ZNF585B: variants seen among roughly 807,000 people sequenced by gnomAD.
ZNF585B encodes the protein zinc finger protein 585B.
A neutral mutation model predicts 14.0 loss-of-function variants in ZNF585B; 7 were observed. The observed-to-expected ratio is 0.50, with a 90% CI of 0.28 to 0.94. The LOEUF (loss-of-function observed/expected upper bound fraction) is 0.94, where lower values mean the gene tolerates loss of function less well. ZNF585B is among the 40% of genes least tolerant of loss of function. ZNF585B has a pLI of 0.09. For synonymous variants in ZNF585B, 290 were observed against 317.3 expected (o/e 0.91, Z 0.91); for missense variants, 750 against 924.4 (o/e 0.81, Z 2.45).
rs1001235688 is a variant in ZNF585B at position 37,190,089 on chromosome 19, T to C, written c.134A>G (p.Asp45Gly). ...CCGGTACAGGTTTCTCTGAGAAAGGTCCAGGTGCCGCCATTCCTCTCTGCT... is the reference window on the plus strand; with the variant it reads ...CCGGTACAGGTTTCTCTGAGAAAGGCCCAGGTGCCGCCATTCCTCTCTGCT... ...DFSREEWRHL[D>G]LSQRNLYRDV... The change falls in exon 3 of 5, where the codon GAC becomes GGC. Residue 45 changes from aspartate (D) to glycine (G), a missense_variant. Asp to Gly is a moderately conservative substitution (Grantham distance 94). Coordinates refer to ENST00000532828, the MANE Select transcript of ZNF585B (RefSeq NM_152279.4). 1.9e-6 allele frequency: 3 copies of C among 1,614,082 alleles called. No individual in the cohort carries two copies. Among genetic ancestry groups the C allele is most frequent in the Non-Finnish European group, 1.7e-6 (2 of 1,180,036 alleles).
At chr19:37,194,961 T>C (rs116423080) in intron 2 of ZNF585B, among the ~76,000 whole-genome samples, 6,519 of 151,972 alleles carry the variant, frequency 0.043, 192 homozygotes, top group East Asian at 0.075. Context: ...AAACAAAAGC[T>C]TTCTGGAAAA....
At chr19:37,203,266 T>C (rs951004982) in intron 2 of ZNF585B, among the ~76,000 whole-genome samples, 6 of 152,122 alleles carry the variant, frequency 3.9e-5, no homozygotes, top group Non-Finnish European at 8.8e-5. Context: ...AGGCACTTAA[T>C]CTATAGTTTT....
chr19:37,195,635 A>C (rs918339787), intron 2 of ZNF585B, among the ~76,000 whole-genome samples: 1 of 152,166 alleles, frequency 6.6e-6, no homozygotes, highest in Non-Finnish European at 1.5e-5. Context: ...TAAGATAAAT[A>C]ATCTTATAAC....
chr19:37,188,793 G>C (rs1417147912), intron 4 of ZNF585B, among the ~76,000 whole-genome samples: 1 of 152,210 alleles, frequency 6.6e-6, no homozygotes, highest in East Asian at 1.9e-4. Flanking sequence ...AAACACAGCA[G>C]AGAGGTATTC....
intron 4 of ZNF585B, among the ~76,000 whole-genome samples, chr19:37,187,771 A>T (rs1352803018): frequency 6.6e-6 from 1 of 152,186 alleles, no homozygotes; most frequent in East Asian, 1.9e-4. Flanking sequence ...GAACACAGAG[A>T]AAAGGGTAAG....
chr19:37,205,441 A>AGTT (rs1972575818), intron 2 of ZNF585B, among the ~76,000 whole-genome samples: 1 of 152,248 alleles, frequency 6.6e-6, no homozygotes, highest in Non-Finnish European at 1.5e-5. Context: ...TGTTCATAAT[A>AGTT]GTTTCTGTAT....
intron 1 of ZNF585B, among the ~76,000 whole-genome samples, chr19:37,208,829 T>C (rs1220416785): frequency 6.6e-6 from 1 of 152,030 alleles, no homozygotes; most frequent in Non-Finnish European, 1.5e-5. Flanking sequence ...CTGTCTCTAC[T>C]AAAAATACAA....
intron 4 of ZNF585B, among the ~76,000 whole-genome samples, chr19:37,188,902 A>C (rs771182102): frequency 1.1e-4 from 17 of 152,226 alleles, no homozygotes; most frequent in Non-Finnish European, 1.8e-4. Flanking sequence ...ACTATAGCAA[A>C]AATAGTTAGA....
intron 2 of ZNF585B, 65 bp from the exon 3 acceptor site, chr19:37,190,215 G>T: frequency 1.3e-6 from 2 of 1,586,532 alleles, no homozygotes; most frequent in Non-Finnish European, 1.7e-6. Context: ...ACTATATATG[G>T]GATTACGGAA....
rs953467388 is a variant in ZNF585B, at chr19:37,189,534, A to C, written c.292+127T>G. The C allele has an allele frequency of 3.1e-5, 32 of 1,017,880 alleles. No individual in the cohort carries two copies. The African/African-American group carries it at 5.2e-4, about 16-fold the overall frequency. The allele number at this position is 1,017,880 out of a possible 1,614,324, so 63.1% of individuals were successfully genotyped here. ...GATCTGAGAGGCATCAAGCAATATA[A>C]AAAATTCAGAGCCTTACTGAAGAGT... On this transcript the variant is annotated intron_variant, in intron 4 of 4. Transcript: ENST00000532828.
rs1377536466 is a variant in ZNF585B at position 37,185,782 on chromosome 19, T to C, written c.1755A>G (p.Arg585=). The C allele has an allele frequency of 6.3e-6, 10 of 1,594,106 alleles. No homozygotes were observed. The highest frequency in any genetic ancestry group is 8.6e-6 in the Non-Finnish European group (10 of 1,169,268). ...EKPYVCTECG[R]AFIRKSNFIT... is the part of the protein sequence containing the mutation. ...TAAAGTTTGACTTGCGGATGAAAGC[T>C]CTTCCACACTCAGTGCATACATAGG... is the stretch of plus-strand genomic sequence containing the variant. Residue 585 remains arginine (R), a synonymous_variant, in exon 5 of 5, where the codon AGA becomes AGG. Coordinates refer to ENST00000532828, the MANE Select transcript of ZNF585B (RefSeq NM_152279.4).
Position 37,185,841 on chromosome 19 carries a change from T to C in ZNF585B, c.1696A>G (p.Ile566Val), listed in dbSNP as rs377236048. The stretch of plus-strand genomic sequence containing the variant: ...CCTGTATGAATTTTCTGATGAACAA[T>C]GAGTATTGATTTCTGGTTGAAGGCT... ...GKAFNQKSIL[I>V]VHQKIHTGEK... The change falls in exon 5 of 5, where the codon ATT becomes GTT. Residue 566 changes from isoleucine to valine, a missense_variant. Coordinates refer to ENST00000532828, the MANE Select transcript of ZNF585B (RefSeq NM_152279.4). 3 of 1,610,692 alleles carry C rather than the reference T, an allele frequency of 1.9e-6. No individual in the cohort carries two copies. In the African/African-American group the frequency reaches 4.0e-5, roughly 22 times the overall value.
At chr19:37,193,346 C>G (rs911151116) in intron 2 of ZNF585B, among the ~76,000 whole-genome samples, 3 of 151,686 alleles carry the variant, frequency 2.0e-5, no homozygotes, top group African/African-American at 7.3e-5. Flanking sequence ...TGGCGGGCGC[C>G]TGTAGTCCCA....
rs1972379140 is a variant in ZNF585B, at chr19:37,189,755, T to TG, written c.200-3dup. On this transcript the variant is annotated splice_polypyrimidine_tract_variant and splice_region_variant and intron_variant, in intron 3 of 4. Coordinates refer to ENST00000532828, the MANE Select transcript of ZNF585B (RefSeq NM_152279.4). ...CCTCTGGTTTAGGAACTTGATACCC[T>TG]GTTCATGGGAAATGATAAAGGTCTG... 3 of 1,614,040 alleles carry TG rather than the reference T, an allele frequency of 1.9e-6. No individual in the cohort carries two copies. Among genetic ancestry groups the TG allele is most frequent in the African/African-American group, 1.3e-5 (1 of 74,934 alleles).
Position 37,200,961 on chromosome 19 carries a change from C to A in ZNF585B, c.72+6079G>T, listed in dbSNP as rs145829662. 2.1e-3 allele frequency among the ~76,000 whole-genome samples: 317 copies of A among 151,858 alleles called. 4 individuals are homozygous for A. The highest frequency in any genetic ancestry group is 7.5e-3 in the African/African-American group (311 of 41,404). On this transcript the variant is annotated intron_variant, in intron 2 of 4. Transcript: ENST00000532828. Reference sequence around the variant, plus strand: ...CAAAAATTAGCCGGGCATGGTGACACACACCTGTAATCCCAGCTACTCCAG... The same window carrying A: ...CAAAAATTAGCCGGGCATGGTGACAAACACCTGTAATCCCAGCTACTCCAG...
At position 37,182,209 on chromosome 19, in the gene ZNF585B, T is replaced by C. The variant is rs964574703; in HGVS notation, c.*3018A>G. 2.0e-5 allele frequency: 3 copies of C among 152,196 alleles called. No homozygotes were observed. Among genetic ancestry groups the C allele is most frequent in the African/African-American group, 7.2e-5 (3 of 41,446 alleles). 9.4% of individuals were successfully genotyped at this position (152,196 alleles called of 1,614,324 possible). On this transcript the variant is annotated 3_prime_UTR_variant, in exon 5 of 5. Coordinates refer to ENST00000532828, the MANE Select transcript of ZNF585B (RefSeq NM_152279.4). ...ATACATATATATGTCAGCACTAAAA[T>C]ATCACGTTACAATAAATATAAAGGA...
rs1358971326 is a variant in ZNF585B, at chr19:37,184,468, G to GA, written c.*758dup. On this transcript the variant is annotated 3_prime_UTR_variant, in exon 5 of 5. Transcript: ENST00000532828. ...GGAAAGAAAGAAAGAAAGAAAGAAAGAAAGAAAGAAAGAAAGAAAGAAAGA... is the reference window on the plus strand; with the variant it reads ...GGAAAGAAAGAAAGAAAGAAAGAAAGAAAAGAAAGAAAGAAAGAAAGAAAGA... The GA allele has an allele frequency of 8.9e-6, 1 of 112,824 alleles. No homozygotes were observed. The highest frequency in any genetic ancestry group is 1.9e-5 in the Non-Finnish European group (1 of 53,324). 7.0% of individuals were successfully genotyped at this position (112,824 alleles called of 1,614,324 possible). A position where few individuals can be genotyped will look rare whatever the true frequency, so the allele number is the denominator to read the frequency against.
At chr19:37,191,553 G>A (rs1331269474) in intron 2 of ZNF585B, among the ~76,000 whole-genome samples, 1 of 151,764 alleles carries the variant, frequency 6.6e-6, no homozygotes, top group Non-Finnish European at 1.5e-5. Context: ...GGGAGGTGGA[G>A]TTTGCAGTGA....
chr19:37,187,056 T>C lies in ZNF585B; in HGVS notation c.481A>G (p.Ile161Val), dbSNP rs747257023. The C allele has an allele frequency of 6.2e-7, 1 of 1,613,530 alleles. No homozygotes were observed. The highest frequency in any genetic ancestry group is 8.5e-7 in the Non-Finnish European group (1 of 1,179,872). The stretch of plus-strand genomic sequence containing the variant: ...TGTACAAAAGCCCTCCCACATTCAA[T>C]ACATACATAGAGTTTTTCTCCTGTA... ...VPTGEKLYVCIECGRAFVQKP... is the reference protein window; with the variant it reads ...VPTGEKLYVCVECGRAFVQKP... The change falls in exon 5 of 5, where the codon ATT (isoleucine) becomes GTT (valine). Residue 161 changes from isoleucine (I) to valine (V), a missense_variant. By Grantham distance (29) the Ile-to-Val change is conservative (BLOSUM62 3). Transcript: ENST00000532828.
Sources: allele counts gnomAD v4.1 joint callset (sites outside exome capture counted in the v4.1 genomes callset), GRCh38; gene constraint gnomAD v4.1.1; transcripts MANE v1.5; gene names NCBI Gene and HGNC (gene_info 2026-07-23, HGNC 2026-07-21).